The following CIRSR variants were observed in gnomAD, a reference collection of about 807,000 sequenced individuals.
CIRSR encodes CBF1 (RBPJ) interacting corepressor 1.
At chr2:174,392,666 T>C in the CIRSR span, among the ~76,000 whole-genome samples, 3 of 152,080 alleles carry the variant, frequency 2.0e-5, no homozygotes, top group Non-Finnish European at 2.9e-5. Flanking sequence ...AAAGGAGTGA[T>C]GGGAAAAGGG....
At chr2:174,394,612 G>T in the CIRSR span, among the ~76,000 whole-genome samples, 1 of 152,108 alleles carries the variant, frequency 6.6e-6, no homozygotes, top group East Asian at 1.9e-4. Flanking sequence ...AAAATTTCAT[G>T]GGGGAGTTAT....
the CIRSR span, among the ~76,000 whole-genome samples, chr2:174,359,030 A>T: frequency 3.5e-3 from 528 of 152,376 alleles, 2 homozygotes; most frequent in Middle Eastern, 0.02. Context: ...AGTTATGGGA[A>T]TATGAATGCT....
the CIRSR span, among the ~76,000 whole-genome samples, chr2:174,370,750 T>TA: frequency 2.0e-5 from 3 of 150,520 alleles, no homozygotes; most frequent in Non-Finnish European, 1.5e-5. Context: ...CCATCTCTAC[T>TA]AAAAAAAAAT....
chr2:174,365,517 C>T, the CIRSR span, among the ~76,000 whole-genome samples: 1 of 152,088 alleles, frequency 6.6e-6, no homozygotes, highest in Non-Finnish European at 1.5e-5. Flanking sequence ...AAAGCTATAC[C>T]CCAAACTTAC....
the CIRSR span, chr2:174,395,493 CA>C: frequency 6.6e-7 from 1 of 1,516,662 alleles, no homozygotes; most frequent in East Asian, 2.3e-5. Context: ...TCACTTCCAG[CA>C]GCCTCTGGGA....
At chr2:174,377,236 T>TA in the CIRSR span, among the ~76,000 whole-genome samples, 1 of 152,192 alleles carries the variant, frequency 6.6e-6, no homozygotes, top group Non-Finnish European at 1.5e-5. Flanking sequence ...TCCCTGTGAC[T>TA]AAAAAAGAAG....
At chr2:174,364,895 C>G in the CIRSR span, among the ~76,000 whole-genome samples, 5 of 152,194 alleles carry the variant, frequency 3.3e-5, no homozygotes, top group African/African-American at 1.2e-4. Context: ...CTGACATGCT[C>G]TGGAGATACT....
At chr2:174,379,827 G>A in the CIRSR span, among the ~76,000 whole-genome samples, 9 of 146,704 alleles carry the variant, frequency 6.1e-5, no homozygotes, top group African/African-American at 7.5e-5. Context: ...GGGTTCCAGC[G>A]ATTCTCCTGC....
chr2:174,380,578 A>T, the CIRSR span: 1 of 1,366,860 alleles, frequency 7.3e-7, no homozygotes, highest in Admixed American at 2.0e-5. Context: ...TTGAAAAAGC[A>T]ACATAAGATG....
At chr2:174,365,621 C>G in the CIRSR span, among the ~76,000 whole-genome samples, 1 of 152,222 alleles carries the variant, frequency 6.6e-6, no homozygotes, top group Non-Finnish European at 1.5e-5. Flanking sequence ...GAGCAAGTCA[C>G]ATCTTTCATG....
chr2:174,394,455 C>T, the CIRSR span, among the ~76,000 whole-genome samples: 1 of 152,144 alleles, frequency 6.6e-6, no homozygotes, highest in Non-Finnish European at 1.5e-5. Context: ...AAAAAAATCA[C>T]TGGGTTAATC....
At chr2:174,370,545 C>T in the CIRSR span, among the ~76,000 whole-genome samples, 4 of 152,088 alleles carry the variant, frequency 2.6e-5, no homozygotes, top group Admixed American at 6.6e-5. Flanking sequence ...ATTCTTATCC[C>T]CTTGTGGGTT....
the CIRSR span, among the ~76,000 whole-genome samples, chr2:174,373,892 T>C: frequency 1.3e-5 from 2 of 150,936 alleles, no homozygotes; most frequent in African/African-American, 2.4e-5. Context: ...CACACACACA[T>C]ACACACACAC....
chr2:174,378,622 T>A, the CIRSR span: 284 of 346,830 alleles, frequency 8.2e-4, 1 homozygote, highest in South Asian at 1.5e-3. Context: ...AAGCATTTTT[T>A]CCTTCCATTT....
At chr2:174,358,549 T>C in the CIRSR span, 3 of 152,030 alleles carry the variant, frequency 2.0e-5, no homozygotes, top group Non-Finnish European at 4.4e-5. Flanking sequence ...AGAATGAATA[T>C]AAAGATATAT....
the CIRSR span, among the ~76,000 whole-genome samples, chr2:174,365,916 T>C: frequency 6.6e-6 from 1 of 152,132 alleles, no homozygotes; most frequent in Non-Finnish European, 1.5e-5. Context: ...ATTCTGGAAG[T>C]ATCAGACTGG....
At chr2:174,380,965 T>A in the CIRSR span, 3 of 609,446 alleles carry the variant, frequency 4.9e-6, no homozygotes, top group East Asian at 6.0e-5. Context: ...TTTCACATGA[T>A]AAAAATTCAG....
the CIRSR span, among the ~76,000 whole-genome samples, chr2:174,362,744 CA>C: frequency 1.4e-5 from 2 of 146,812 alleles, no homozygotes; most frequent in African/African-American, 5.1e-5. Context: ...ATTGAGGTCG[CA>C]GGGCAAACCG....
At chr2:174,389,516 G>A in the CIRSR span, among the ~76,000 whole-genome samples, 1 of 152,056 alleles carries the variant, frequency 6.6e-6, no homozygotes, top group Non-Finnish European at 1.5e-5. Context: ...TCAAGAGGAA[G>A]CACAGCATAA....
Sources: gnomAD v4.1 joint callset for allele counts (sites outside exome capture counted in the v4.1 genomes callset) on GRCh38, gnomAD v4.1.1 for gene constraint, MANE v1.5 for transcripts, NCBI Gene and HGNC (gene_info 2026-07-23, HGNC 2026-07-21) for gene names.